Variants in PFKM observed in about 807,000 individuals in gnomAD.
The protein encoded by PFKM is phosphofructokinase, muscle.
In PFKM, 58 loss-of-function variants were observed where a neutral mutation model predicts 95.5. The observed-to-expected ratio is 0.61, with a 90% confidence interval of 0.49 to 0.76. The LOEUF (loss-of-function observed/expected upper bound fraction) is 0.76, where lower values mean the gene tolerates loss of function less well. Among genes scored for constraint, PFKM ranks in the 30% least tolerant of loss-of-function variants. The probability of loss-of-function intolerance (pLI) is 0.00; values close to 1 mark genes in which losing one functional copy is unlikely to be tolerated. For missense variants in PFKM, 678 were observed against 1,005.4 expected, an observed-to-expected ratio of 0.67 and a Z score of 4.40; for synonymous variants, 336 against 357.2, an observed-to-expected ratio of 0.94 and a Z score of 0.67.
At chr12:48,107,466 C>T (rs752761186) in intron 2 of PFKM, 2 of 1,535,392 alleles carry the variant, frequency 1.3e-6, no homozygotes, top group South Asian at 1.1e-5. Flanking sequence ...GTACCCTTGT[C>T]TCCTGATCAT....
At chr12:48,133,091 G>T (rs764247137) in intron 5 of PFKM, 34 bp downstream of exon 5, 1 of 1,582,098 alleles carries the variant, frequency 6.3e-7, no homozygotes, top group Non-Finnish European at 8.7e-7. Flanking sequence ...TTGCTTATTT[G>T]TGTCGGTACG....
intron 10 of PFKM, among the ~76,000 whole-genome samples, chr12:48,136,753 T>C (rs527480492): frequency 9.3e-5 from 14 of 149,944 alleles, no homozygotes; most frequent in Middle Eastern, 3.4e-3. Context: ...ATTTCTTTTT[T>C]CTTTCTTTCT....
At position 48,145,891 on chromosome 12, in the gene PFKM, G is replaced by C; in HGVS notation, c.*183G>C. 1.6e-6 allele frequency: 1 copy of C among 625,492 alleles called. No homozygotes were observed. The highest frequency in any genetic ancestry group is 2.8e-6 in the Non-Finnish European group (1 of 356,282). The allele number at this position is 625,492 out of a possible 1,614,324, so 38.7% of individuals were successfully genotyped here. ...AGGCAGTGGGTGGGAGCTCCTTTTA[G>C]GTAGAATTTAACATGACTTCTGCCC... On this transcript the variant is annotated 3_prime_UTR_variant, in exon 23 of 23. Coordinates refer to ENST00000359794, the MANE Select transcript of PFKM (RefSeq NM_000289.6). This position sits in a 1 kb window ranked among gnomAD's most constrained non-coding sequence, Gnocchi z 4.3.
At chr12:48,122,936 T>C in intron 2 of PFKM, 77 bp downstream of exon 2, 1 of 1,403,924 alleles carries the variant, frequency 7.1e-7, no homozygotes, top group South Asian at 1.2e-5. Context: ...TACAATAGAA[T>C]TATTCTTCTG....
intron 1 of PFKM, among the ~76,000 whole-genome samples, chr12:48,120,537 C>T (rs1002386067): frequency 1.3e-5 from 2 of 152,134 alleles, no homozygotes; most frequent in Admixed American, 6.5e-5. Flanking sequence ...TGGCAAACTT[C>T]GTCTGTAAAA....
At chr12:48,122,485 T>G in intron 1 of PFKM, 1 of 897,904 alleles carries the variant, frequency 1.1e-6, no homozygotes. Context: ...TTCCCTGACC[T>G]TAGTTTATTC....
chr12:48,105,731 C>T, upstream of PFKM: 1 of 519,656 alleles, frequency 1.9e-6, no homozygotes, highest in Non-Finnish European at 3.5e-6. Flanking sequence ...CGGCTGGGCG[C>T]TGGGATGGGG....
chr12:48,119,177 C>G, upstream of PFKM: 1 of 574,762 alleles, frequency 1.7e-6, no homozygotes, highest in African/African-American at 2.0e-5. Context: ...AAGCCGCTGC[C>G]ATATCTGAGC....
At chr12:48,141,413 G>A (rs755844471) in intron 15 of PFKM, 32 bp downstream of exon 15, 2 of 1,588,346 alleles carry the variant, frequency 1.3e-6, no homozygotes, top group South Asian at 2.2e-5. Context: ...CCTCCTCCCA[G>A]TCACCTCTTA....
intron 10 of PFKM, among the ~76,000 whole-genome samples, chr12:48,136,692 C>CTTTTTTTTTTTTT (rs1166389532): frequency 4.8e-5 from 3 of 63,026 alleles, no homozygotes; most frequent in African/African-American, 7.6e-5. Flanking sequence ...GGGGTCGTCA[C>CTTTTTTTTTTTTT]TTTTTTTTTT....
intron 4 of PFKM, chr12:48,132,356 C>G (rs1037271962): frequency 3.4e-6 from 1 of 293,348 alleles, no homozygotes; most frequent in South Asian, 3.3e-5. Flanking sequence ...CTGCTAGCAC[C>G]ATGGATTGCA....
At chr12:48,141,849 T>C (rs1204326648) in intron 16 of PFKM, 22 bp downstream of exon 16, 1 of 1,613,132 alleles carries the variant, frequency 6.2e-7, no homozygotes, top group African/African-American at 1.3e-5. Flanking sequence ...CCACCATTTC[T>C]TCCTCTCTCC....
intron 1 of PFKM, among the ~76,000 whole-genome samples, chr12:48,120,130 G>A (rs1338154661): frequency 2.0e-5 from 3 of 152,052 alleles, no homozygotes; most frequent in African/African-American, 7.2e-5. Context: ...ATTTGCCCTA[G>A]TCACTTAATC....
At chr12:48,106,063 G>A in exon 1 of PFKM, 8 of 702,452 alleles carry the variant, frequency 1.1e-5, no homozygotes, top group Non-Finnish European at 2.1e-5. Flanking sequence ...AGGGGTTTCC[G>A]GCCGGGCGCG....
In PFKM at chr12:48,129,202, T is replaced by TTTTC. The variant is rs1223465780; in HGVS notation, c.86-1153_86-1150dup. ...AAGTTTTTGTTCTGTTTTGTTTTAA[T>TTTTC]TTTCTTTCTTTTTTTTTTTTTTTTT... On this transcript the variant is annotated intron_variant, in intron 2 of 22. Coordinates refer to ENST00000359794, the MANE Select transcript of PFKM (RefSeq NM_000289.6). 2.0e-3 allele frequency among the ~76,000 whole-genome samples: 278 copies of TTTTC among 140,848 alleles called. 1 individual carries two copies. The highest frequency in any genetic ancestry group is 2.7e-3 in the Non-Finnish European group (176 of 65,718). The allele number at this position is 140,848 out of a possible 152,430, so 92.4% of individuals were successfully genotyped here.
At chr12:48,142,670 G>C (rs1592806898) in intron 17 of PFKM, 112 bp from the exon 18 acceptor site, 1 of 1,073,240 alleles carries the variant, frequency 9.3e-7, no homozygotes, top group East Asian at 2.4e-5. Context: ...TAAGGGCCCT[G>C]CTAGCCTATG....
chr12:48,112,643 G>A (rs1947305354), intron 3 of PFKM, among the ~76,000 whole-genome samples: 1 of 152,206 alleles, frequency 6.6e-6, no homozygotes, highest in African/African-American at 2.4e-5. Context: ...TGGAGGGGTT[G>A]TGGAGGGAGG....
At chr12:48,142,758 A>G (rs1048273205) in intron 17 of PFKM, 24 bp from the exon 18 acceptor site, 8 of 1,610,156 alleles carry the variant, frequency 5.0e-6, no homozygotes, top group Non-Finnish European at 6.8e-6. Context: ...ATGTCTTTCT[A>G]ACTATAACCC....
chr12:48,145,737 C>T lies in PFKM; in HGVS notation c.*29C>T, dbSNP rs371922484. 112 of 1,611,230 alleles carry T rather than the reference C, an allele frequency of 7.0e-5. No individual in the cohort carries two copies. The African/African-American group carries it at 1.4e-3, about 20-fold the overall frequency. On this transcript the variant is annotated 3_prime_UTR_variant, in exon 23 of 23. Transcript: ENST00000359794. This position sits in a 1 kb window ranked among gnomAD's most constrained non-coding sequence, Gnocchi z 4.3. ...TCTCTGGAGTGAGGGGAATAGATTACCTGATCATGGTCAGCTCACACCCTA... is the reference window on the plus strand; with the variant it reads ...TCTCTGGAGTGAGGGGAATAGATTATCTGATCATGGTCAGCTCACACCCTA...
Sources: gnomAD v4.1 joint callset for allele counts (sites outside exome capture counted in the v4.1 genomes callset) on GRCh38, gnomAD v4.1.1 for gene constraint, Gnocchi (gnomAD v3.1) non-coding constraint, MANE v1.5 for transcripts, NCBI Gene and HGNC (gene_info 2026-07-23, HGNC 2026-07-21) for gene names.